TSHR: variants seen among roughly 807,000 people sequenced by gnomAD.
The protein encoded by TSHR is thyroid stimulating hormone receptor.
In TSHR, 51 loss-of-function variants were observed where a neutral mutation model predicts 64.1. The observed-to-expected ratio is 0.80, with a 90% CI of 0.64 to 1.01. TSHR has a LOEUF of 1.01. TSHR is among the 50% of genes least tolerant of loss of function. TSHR has a pLI of 0.00. For missense variants in TSHR, 877 were observed against 942.8 expected, an observed-to-expected ratio of 0.93 and a Z score of 0.91; for synonymous variants, 361 against 361.9, an observed-to-expected ratio of 1.00 and a Z score of 0.03.
chr14:80,966,008 A>G (rs754746353), intron 1 of TSHR, among the ~76,000 whole-genome samples: 2 of 152,170 alleles, frequency 1.3e-5, no homozygotes, highest in Non-Finnish European at 2.9e-5. Context: ...GAGCTTCCTT[A>G]TGTCCAAATT....
chr14:81,019,310 G>C (rs1279240423), intron 1 of TSHR, among the ~76,000 whole-genome samples: 2 of 149,828 alleles, frequency 1.3e-5, no homozygotes, highest in African/African-American at 5.0e-5. Context: ...CTTCAGCCTG[G>C]GTGACACAGC....
intron 1 of TSHR, among the ~76,000 whole-genome samples, chr14:80,965,636 G>A (rs1887260047): frequency 6.6e-6 from 1 of 152,060 alleles, no homozygotes; most frequent in South Asian, 2.1e-4. Flanking sequence ...TTAAAAAATA[G>A]CATTTGAAAA....
At chr14:81,114,393 T>C (rs1430462051) in intron 8 of TSHR, among the ~76,000 whole-genome samples, 1 of 152,206 alleles carries the variant, frequency 6.6e-6, no homozygotes, top group East Asian at 1.9e-4. Flanking sequence ...GGGAGTTCCC[T>C]TTCCTAGTCA....
chr14:81,068,433 C>A, intron 3 of TSHR, 105 bp downstream of exon 3: 2 of 995,292 alleles, frequency 2.0e-6, no homozygotes, highest in South Asian at 1.3e-5. Context: ...GATTGTGAGT[C>A]AAAACTTCTG....
intron 8 of TSHR, among the ~76,000 whole-genome samples, chr14:81,113,733 T>G (rs1427732665): frequency 1.3e-5 from 2 of 152,214 alleles, no homozygotes; most frequent in African/African-American, 4.8e-5. Context: ...AGTACTTGCA[T>G]GGGTGAAATC....
intron 8 of TSHR, among the ~76,000 whole-genome samples, chr14:81,139,378 T>A (rs1363519607): frequency 6.6e-6 from 1 of 152,140 alleles, no homozygotes; most frequent in Non-Finnish European, 1.5e-5. Flanking sequence ...TGTTGCAGAG[T>A]AAAATTGACA....
intron 1 of TSHR, among the ~76,000 whole-genome samples, chr14:81,057,861 T>C (rs1389109499): frequency 6.6e-6 from 1 of 152,200 alleles, no homozygotes; most frequent in East Asian, 1.9e-4. Context: ...AATTCAGACA[T>C]GGTCATGAGG....
chr14:81,002,306 AAGAGTAT>A (rs1483003533), intron 1 of TSHR, among the ~76,000 whole-genome samples: 1 of 152,080 alleles, frequency 6.6e-6, no homozygotes, highest in African/African-American at 2.4e-5. Context: ...CTAAGTGTAA[AAGAGTAT>A]AGACTCTGGT....
At chr14:81,040,933 T>G (rs112660694) in intron 1 of TSHR, among the ~76,000 whole-genome samples, 9 of 151,970 alleles carry the variant, frequency 5.9e-5, no homozygotes, top group African/African-American at 2.2e-4. Context: ...CACTGATCAT[T>G]AAAGAAATGG....
intron 3 of TSHR, among the ~76,000 whole-genome samples, chr14:81,081,113 C>A (rs1887869817): frequency 3.3e-5 from 5 of 152,080 alleles, no homozygotes; most frequent in African/African-American, 1.2e-4. Flanking sequence ...GGATTTGAGG[C>A]TGTAGTGCAC....
rs945799513 is a variant in TSHR at position 81,020,601 on chromosome 14, T to G, written c.171-41547T>G. ...CTCAGCAGCAGCTGCAAATACAGGTTAACATCAGCAGAGAGGCTTGACTGC... is the reference window on the plus strand; with the variant it reads ...CTCAGCAGCAGCTGCAAATACAGGTGAACATCAGCAGAGAGGCTTGACTGC... On this transcript the variant is annotated intron_variant, in intron 1 of 9. Transcript: ENST00000298171. Among the ~76,000 whole-genome samples the G allele has an allele frequency of 2.0e-5, 3 of 152,178 alleles. No homozygotes were observed. In the East Asian group the frequency reaches 5.8e-4, roughly 29 times the overall value.
intron 8 of TSHR, among the ~76,000 whole-genome samples, chr14:81,113,176 T>C (rs1251752630): frequency 6.6e-6 from 1 of 152,196 alleles, no homozygotes; most frequent in Non-Finnish European, 1.5e-5. Context: ...TGAAAGTAGT[T>C]TGCACTAAGA....
At chr14:81,048,323 A>G (rs1305953510) in intron 1 of TSHR, among the ~76,000 whole-genome samples, 2 of 151,940 alleles carry the variant, frequency 1.3e-5, no homozygotes, top group African/African-American at 4.8e-5. Flanking sequence ...AATGTTGATG[A>G]AAAAAAACAT....
intron 1 of TSHR, among the ~76,000 whole-genome samples, chr14:81,022,995 C>T (rs1055626033): frequency 3.9e-5 from 6 of 152,154 alleles, no homozygotes; most frequent in African/African-American, 1.4e-4. Context: ...AGCAAGTCCC[C>T]ACCAGACACT....
intron 1 of TSHR, among the ~76,000 whole-genome samples, chr14:81,019,176 A>T (rs1883587376): frequency 6.6e-6 from 1 of 152,086 alleles, no homozygotes; most frequent in Non-Finnish European, 1.5e-5. Flanking sequence ...TCTACTAAAA[A>T]TACAAAAATC....
intron 3 of TSHR, among the ~76,000 whole-genome samples, chr14:81,069,172 C>A (rs953577453): frequency 1.3e-5 from 2 of 152,072 alleles, no homozygotes; most frequent in Non-Finnish European, 2.9e-5. Context: ...CTTAAAACAA[C>A]CCTGTGAAGT....
At chr14:81,124,157 T>G (rs927155790) in intron 8 of TSHR, among the ~76,000 whole-genome samples, 6 of 152,144 alleles carry the variant, frequency 3.9e-5, no homozygotes, top group African/African-American at 1.4e-4. Flanking sequence ...ACTTTTCTTG[T>G]TTTTAGCTGA....
intron 8 of TSHR, among the ~76,000 whole-genome samples, chr14:81,111,474 A>G (rs1346580996): frequency 2.0e-5 from 3 of 152,158 alleles, no homozygotes; most frequent in Admixed American, 1.3e-4. Context: ...TGCAAATAGA[A>G]TCTTAAACCC....
At chr14:81,077,105 C>G (rs959551117) in intron 3 of TSHR, among the ~76,000 whole-genome samples, 20 of 152,112 alleles carry the variant, frequency 1.3e-4, no homozygotes, top group African/African-American at 4.8e-4. Flanking sequence ...GAGACACATA[C>G]CATTCAGCCC....
Sources: allele counts gnomAD v4.1 joint callset (sites outside exome capture counted in the v4.1 genomes callset), GRCh38; gene constraint gnomAD v4.1.1; transcripts MANE v1.5; gene names NCBI Gene and HGNC (gene_info 2026-07-23, HGNC 2026-07-21).